Variants in APLP2 observed in about 807,000 individuals in gnomAD.
APLP2 encodes amyloid beta precursor like protein 2.
A neutral mutation model predicts 89.9 loss-of-function variants in APLP2; 53 were observed. The ratio of observed to expected loss-of-function variants is 0.59; its 90% confidence interval spans 0.47 to 0.74. APLP2 has a LOEUF of 0.74. Among genes scored for constraint, APLP2 ranks in the 30% least tolerant of loss-of-function variants. The pLI, the probability that APLP2 is intolerant of heterozygous loss-of-function variation, is 0.00. For synonymous variants in APLP2, 372 were observed against 348.6 expected (o/e 1.07, Z -0.75); for missense variants, 973 against 975.9 (o/e 1.00, Z 0.04).
At chr11:130,093,572 T>G (rs925964517) in intron 1 of APLP2, among the ~76,000 whole-genome samples, 22 of 152,038 alleles carry the variant, frequency 1.4e-4, no homozygotes, top group Non-Finnish European at 4.4e-5. Context: ...GTCTAAGAGA[T>G]AACTAATGAG....
chr11:130,130,009 G>A (rs767218985), intron 10 of APLP2, 29 bp from the exon 11 acceptor site: 2 of 1,608,812 alleles, frequency 1.2e-6, no homozygotes, highest in East Asian at 4.5e-5. Context: ...CTAGTCTCTG[G>A]ATATTAAAAC....
At position 130,097,521 on chromosome 11, in the gene APLP2, C is replaced by T. The variant is rs1054930083; in HGVS notation, c.106-11908C>T. Among the ~76,000 whole-genome samples, 9 of 152,176 alleles carry T rather than the reference C, an allele frequency of 5.9e-5. No homozygotes were observed. The East Asian group carries it at 1.5e-3, about 26-fold the overall frequency. ...CCAGCCTGGGCAATATAGTGGGACC[C>T]CGTCTCTGCAAAAAATGTTTGTTTA... On this transcript the variant is annotated intron_variant, in intron 1 of 16. Coordinates refer to ENST00000338167, the MANE Select transcript of APLP2 (RefSeq NM_001142276.2).
intron 1 of APLP2, among the ~76,000 whole-genome samples, chr11:130,091,442 C>T (rs1446338790): frequency 5.5e-5 from 7 of 128,252 alleles, no homozygotes; most frequent in African/African-American, 6.5e-5. Flanking sequence ...TAGGGGCGGC[C>T]GGGCAGAGGC....
intron 1 of APLP2, among the ~76,000 whole-genome samples, chr11:130,079,083 T>TTTATTTA (rs1565548972): frequency 0.025 from 3,262 of 130,742 alleles, 123 homozygotes; most frequent in African/African-American, 0.099. Flanking sequence ...CATGTATTTT[T>TTTATTTA]TTTATTTATT....
chr11:130,076,392 A>G (rs532905479), intron 1 of APLP2, among the ~76,000 whole-genome samples: 3 of 152,188 alleles, frequency 2.0e-5, no homozygotes, highest in African/African-American at 7.2e-5. Context: ...GTGTCTTTTT[A>G]TATTATGTGC....
Position 130,120,710 on chromosome 11 carries a change from T to G in APLP2, c.408T>G (p.Gly136=). 1 of 1,612,628 alleles carries G rather than the reference T, an allele frequency of 6.2e-7. No homozygotes were observed. The highest frequency in any genetic ancestry group is 8.5e-7 in the Non-Finnish European group (1 of 1,178,690). The change falls in exon 4 of 17, where the codon GGT becomes GGG. Residue 136 remains glycine, a synonymous_variant. Transcript: ENST00000338167. ...RFVTPFKCLV[G]EFVSDVLLVP... ...GACAAAGATTCTCTTTTCCAGTGGGTGAATTTGTAAGTGATGTCCTGCTAG... is the reference window on the plus strand; with the variant it reads ...GACAAAGATTCTCTTTTCCAGTGGGGGAATTTGTAAGTGATGTCCTGCTAG...
At chr11:130,130,480 A>G (rs1337029483) in intron 11 of APLP2, among the ~76,000 whole-genome samples, 1 of 152,344 alleles carries the variant, frequency 6.6e-6, no homozygotes, top group East Asian at 1.9e-4. Flanking sequence ...ATATTTATCA[A>G]GCAGATCTTA....
intron 1 of APLP2, among the ~76,000 whole-genome samples, chr11:130,071,216 C>T (rs1941027372): frequency 1.3e-5 from 2 of 152,148 alleles, no homozygotes. Flanking sequence ...TTTTAAAGAC[C>T]TCAGGTTTAG....
chr11:130,100,862 A>C (rs1387249194), intron 1 of APLP2, among the ~76,000 whole-genome samples: 1 of 152,220 alleles, frequency 6.6e-6, no homozygotes, highest in African/African-American at 2.4e-5. Flanking sequence ...AAAGACCAAG[A>C]ATTTTCCATT....
At chr11:130,113,295 G>C (rs1318249580) in intron 3 of APLP2, among the ~76,000 whole-genome samples, 3 of 152,146 alleles carry the variant, frequency 2.0e-5, no homozygotes, top group Non-Finnish European at 4.4e-5. Context: ...CCAAATGATA[G>C]AGTTTAAATT....
At position 130,126,687 on chromosome 11, in the gene APLP2, A is replaced by T; in HGVS notation, c.1091-13A>T. 1 of 1,613,228 alleles carries T rather than the reference A, an allele frequency of 6.2e-7. No homozygotes were observed. Among genetic ancestry groups the T allele is most frequent in the Non-Finnish European group, 8.5e-7 (1 of 1,179,242 alleles). On this transcript the variant is annotated splice_polypyrimidine_tract_variant and intron_variant, in intron 7 of 16. Transcript: ENST00000338167. ...TGATCCCAAAGAGAACTCCCTCTGT[A>T]ATTTTGTTTCAGTTCCTCCAACTCC... is the stretch of plus-strand genomic sequence containing the variant.
intron 1 of APLP2, among the ~76,000 whole-genome samples, chr11:130,083,698 A>G (rs1943623136): frequency 6.6e-6 from 1 of 152,024 alleles, no homozygotes; most frequent in Admixed American, 6.5e-5. Flanking sequence ...CATTTTATGT[A>G]TATATCATAT....
intron 3 of APLP2, among the ~76,000 whole-genome samples, chr11:130,116,843 T>A (rs1280684651): frequency 6.6e-6 from 1 of 152,142 alleles, no homozygotes; most frequent in Non-Finnish European, 1.5e-5. Flanking sequence ...ATATATATAT[T>A]TTTAGGCCAG....
chr11:130,090,434 G>A (rs575583552), intron 1 of APLP2, among the ~76,000 whole-genome samples: 20 of 150,334 alleles, frequency 1.3e-4, no homozygotes, highest in African/African-American at 4.7e-4. Context: ...TTGTGTCCCT[G>A]ATTACTTGAG....
chr11:130,099,149 C>T (rs1946586943), intron 1 of APLP2, among the ~76,000 whole-genome samples: 1 of 152,168 alleles, frequency 6.6e-6, no homozygotes, highest in South Asian at 2.1e-4. Flanking sequence ...TTCCTGACCT[C>T]TGCAGTTAGC....
chr11:130,084,310 G>C (rs982143169), intron 1 of APLP2, among the ~76,000 whole-genome samples: 8 of 151,946 alleles, frequency 5.3e-5, no homozygotes, highest in Admixed American at 1.3e-4. Context: ...CCTTCATTCT[G>C]TTAATGTGAT....
At chr11:130,081,182 A>C in intron 1 of APLP2, among the ~76,000 whole-genome samples, 1 of 152,070 alleles carries the variant, frequency 6.6e-6, no homozygotes, top group East Asian at 1.9e-4. Flanking sequence ...ATATTGAATA[A>C]TTTCCAGGTC....
intron 1 of APLP2, among the ~76,000 whole-genome samples, chr11:130,106,766 G>A (rs964339906): frequency 6.6e-6 from 1 of 151,768 alleles, no homozygotes; most frequent in Non-Finnish European, 1.5e-5. Flanking sequence ...TCGGCTCACT[G>A]CAACCTCTGC....
At chr11:130,083,065 T>G (rs1291042328) in intron 1 of APLP2, among the ~76,000 whole-genome samples, 1 of 130,928 alleles carries the variant, frequency 7.6e-6, no homozygotes, top group Non-Finnish European at 1.6e-5. Context: ...AGACACGGTC[T>G]CACACTGTTG....
Sources: allele counts gnomAD v4.1 joint callset (sites outside exome capture counted in the v4.1 genomes callset), GRCh38; gene constraint gnomAD v4.1.1; transcripts MANE v1.5; gene names NCBI Gene and HGNC (gene_info 2026-07-23, HGNC 2026-07-21).